Variants in SLC5A8 observed in about 807,000 individuals in gnomAD.
SLC5A8 encodes sodium-coupled monocarboxylate transporter 1.
SLC5A8 carries 55 observed loss-of-function variants against 71.9 expected under a neutral mutation model. That is an observed-to-expected ratio of 0.77 (90% CI 0.62 to 0.96). The LOEUF (loss-of-function observed/expected upper bound fraction) is 0.96. SLC5A8 is among the 40% of genes least tolerant of loss of function. The pLI, the probability that SLC5A8 is intolerant of heterozygous loss-of-function variation, is 0.00. For synonymous variants in SLC5A8, 307 were observed against 276.1 expected (o/e 1.11, Z -1.11); for missense variants, 701 against 745.3 (o/e 0.94, Z 0.69).
chr12:101,172,935 G>T (rs1566310255), intron 10 of SLC5A8, among the ~76,000 whole-genome samples: 1 of 152,136 alleles, frequency 6.6e-6, no homozygotes, highest in Non-Finnish European at 1.5e-5. Context: ...TGTCCCATGG[G>T]AGTGGCGGCT....
intron 10 of SLC5A8, among the ~76,000 whole-genome samples, chr12:101,176,600 A>G (rs976337764): frequency 3.9e-5 from 6 of 152,110 alleles, no homozygotes; most frequent in African/African-American, 2.4e-5. Context: ...CTCTGATCAC[A>G]ATAGAATCAA....
At chr12:101,170,198 C>T (rs932011893) in intron 10 of SLC5A8, among the ~76,000 whole-genome samples, 32 of 152,286 alleles carry the variant, frequency 2.1e-4, no homozygotes, top group African/African-American at 7.2e-4. Flanking sequence ...CACAGCTCCA[C>T]AGGAACAGGA....
chr12:101,172,799 A>G (rs73391428), intron 10 of SLC5A8, among the ~76,000 whole-genome samples: 2,147 of 152,242 alleles, frequency 0.014, 59 homozygotes, highest in African/African-American at 0.049. Context: ...GAGCTCAATT[A>G]ACTTCAGGGA....
chr12:101,173,532 G>A (rs1276133559), intron 10 of SLC5A8, among the ~76,000 whole-genome samples: 1 of 152,198 alleles, frequency 6.6e-6, no homozygotes, highest in Non-Finnish European at 1.5e-5. Flanking sequence ...CGACTCTGAG[G>A]TGAGCCCGCG....
intron 13 of SLC5A8, among the ~76,000 whole-genome samples, chr12:101,161,411 G>A (rs1328945194): frequency 6.6e-6 from 1 of 151,916 alleles, no homozygotes. Flanking sequence ...ATCCCAGAGA[G>A]CAATTTATAT....
rs202243984 is a variant in SLC5A8, at chr12:101,187,426, C to T, written c.923G>A (p.Cys308Tyr). 1.7e-5 allele frequency: 28 copies of T among 1,613,734 alleles called. No homozygotes were observed. The highest frequency in any genetic ancestry group is 2.3e-5 in the Non-Finnish European group (27 of 1,179,934). The change falls in exon 7 of 15, where the codon TGT becomes TAT. Residue 308 changes from cysteine (C) to tyrosine (Y), a missense_variant. Transcript: ENST00000536262. ...CACTTTCTTGGCTGTCCAAGGATCA[C>T]AGTCATGGTACCTGGAATATAGGGC... ...GLALYSRYHD[C>Y]DPWTAKKVSA... is the part of the protein sequence containing the mutation.
chr12:101,202,552 A>G (rs867785974), intron 2 of SLC5A8, among the ~76,000 whole-genome samples: 1 of 151,952 alleles, frequency 6.6e-6, no homozygotes, highest in Admixed American at 6.6e-5. Flanking sequence ...TTAGAAAAAA[A>G]TAAATAATAA....
At chr12:101,187,164 T>C (rs960315849) in intron 7 of SLC5A8, among the ~76,000 whole-genome samples, 3 of 152,216 alleles carry the variant, frequency 2.0e-5, no homozygotes, top group African/African-American at 7.2e-5. Context: ...ACACTCTGCT[T>C]GATTTTTTCC....
intron 13 of SLC5A8, among the ~76,000 whole-genome samples, chr12:101,158,586 C>CTA (rs2051692601): frequency 1.9e-4 from 8 of 42,484 alleles, no homozygotes; most frequent in African/African-American, 4.1e-4. Flanking sequence ...CTCTCTCTCT[C>CTA]TCTCTCTCTC....
At chr12:101,179,323 T>C (rs1435097080) in intron 10 of SLC5A8, among the ~76,000 whole-genome samples, 2 of 152,236 alleles carry the variant, frequency 1.3e-5, no homozygotes, top group Non-Finnish European at 2.9e-5. Flanking sequence ...TGAAGACTTA[T>C]GCTCACACAA....
intron 7 of SLC5A8, among the ~76,000 whole-genome samples, chr12:101,185,681 C>A (rs1202802299): frequency 2.0e-5 from 3 of 152,110 alleles, no homozygotes; most frequent in Non-Finnish European, 4.4e-5. Context: ...CAGGTTCAAG[C>A]AATTCTCCTG....
intron 3 of SLC5A8, 84 bp downstream of exon 3, chr12:101,202,080 C>A: frequency 7.6e-7 from 1 of 1,317,262 alleles, no homozygotes; most frequent in Non-Finnish European, 1.1e-6. Context: ...TCCTCCATCT[C>A]CCCATCTCCC....
intron 8 of SLC5A8, 116 bp from the exon 9 acceptor site, chr12:101,183,031 T>A: frequency 9.4e-6 from 3 of 319,972 alleles, no homozygotes; most frequent in Admixed American, 5.4e-5. Flanking sequence ...TGATTTCTAC[T>A]ATGCTTTTTT....
intron 1 of SLC5A8, among the ~76,000 whole-genome samples, chr12:101,206,958 A>C (rs1869704398): frequency 6.6e-6 from 1 of 152,256 alleles, no homozygotes; most frequent in Non-Finnish European, 1.5e-5. Context: ...AAGAAATGTC[A>C]ACAGGGAGAG....
At chr12:101,196,317 T>C (rs1159113091) in intron 3 of SLC5A8, among the ~76,000 whole-genome samples, 2 of 152,204 alleles carry the variant, frequency 1.3e-5, no homozygotes, top group African/African-American at 2.4e-5. Context: ...TTTGCTCCTA[T>C]TTATCTAAGA....
At chr12:101,158,565 T>TCTCTCC (rs2051690109) in intron 13 of SLC5A8, among the ~76,000 whole-genome samples, 1 of 38,146 alleles carries the variant, frequency 2.6e-5, no homozygotes, top group African/African-American at 1.1e-4. Context: ...TCTCTCTCTC[T>TCTCTCC]CTCTCTCTCT....
chr12:101,170,643 G>A (rs892180078), intron 10 of SLC5A8, among the ~76,000 whole-genome samples: 5 of 152,160 alleles, frequency 3.3e-5, no homozygotes, highest in African/African-American at 1.2e-4. Flanking sequence ...TAGGAAGATA[G>A]AAAACTCTTA....
intron 3 of SLC5A8, among the ~76,000 whole-genome samples, chr12:101,198,179 A>G (rs1366597981): frequency 6.6e-6 from 1 of 151,988 alleles, no homozygotes; most frequent in Non-Finnish European, 1.5e-5. Context: ...GCAGTGTTTC[A>G]AAAAAATTAA....
chr12:101,178,046 G>C (rs918469526), intron 10 of SLC5A8, among the ~76,000 whole-genome samples: 1 of 152,104 alleles, frequency 6.6e-6, no homozygotes, highest in Non-Finnish European at 1.5e-5. Flanking sequence ...ACTAATAAGT[G>C]AGCTCAGCAA....
Sources: allele counts gnomAD v4.1 joint callset (sites outside exome capture counted in the v4.1 genomes callset), GRCh38; gene constraint gnomAD v4.1.1; transcripts MANE v1.5; gene names NCBI Gene and HGNC (gene_info 2026-07-23, HGNC 2026-07-21).